Variants in EVI5 observed in about 807,000 individuals in gnomAD.
The protein encoded by EVI5 is ecotropic viral integration site 5, also known as ecotropic viral integration site 5 protein homolog.
Under a neutral mutation model 112.0 loss-of-function variants are expected in EVI5, and 73 were observed. The observed-to-expected ratio is 0.65, with a 90% confidence interval of 0.54 to 0.79. The LOEUF (loss-of-function observed/expected upper bound fraction) is 0.79, where lower values mean the gene tolerates loss of function less well. EVI5 is among the 30% of genes least tolerant of loss of function. EVI5 has a pLI of 0.00. For missense variants in EVI5, 900 were observed against 968.8 expected, an observed-to-expected ratio of 0.93 and a Z score of 0.94; for synonymous variants, 305 against 319.9, an observed-to-expected ratio of 0.95 and a Z score of 0.50.
intron 18 of EVI5, among the ~76,000 whole-genome samples, chr1:92,575,057 C>G (rs958401953): frequency 6.6e-6 from 1 of 152,122 alleles, no homozygotes; most frequent in African/African-American, 2.4e-5. Context: ...GAAAGTGCCC[C>G]AGACTAGGAG....
At chr1:92,741,576 A>G (rs1480071656) in intron 1 of EVI5, among the ~76,000 whole-genome samples, 1 of 152,148 alleles carries the variant, frequency 6.6e-6, no homozygotes, top group Non-Finnish European at 1.5e-5. Context: ...ATTTTATTTT[A>G]AAAAGAAAAA....
intron 13 of EVI5, among the ~76,000 whole-genome samples, chr1:92,661,926 T>C (rs930691004): frequency 9.8e-5 from 15 of 152,310 alleles, no homozygotes; most frequent in Admixed American, 7.2e-4. Context: ...GATGGAAAAC[T>C]GAAACAAGAA....
intron 19 of EVI5, among the ~76,000 whole-genome samples, chr1:92,551,316 C>G (rs967627588): frequency 6.6e-6 from 1 of 151,992 alleles, no homozygotes; most frequent in Non-Finnish European, 1.5e-5. Flanking sequence ...GCGTGAGCCA[C>G]TGTGCTCGGC....
intron 18 of EVI5, among the ~76,000 whole-genome samples, chr1:92,601,663 A>G (rs1649204424): frequency 6.6e-6 from 1 of 152,174 alleles, no homozygotes; most frequent in South Asian, 2.1e-4. Flanking sequence ...GTTGAACTCA[A>G]AAGTACAGAG....
chr1:92,537,635 T>C (rs1205991236), intron 19 of EVI5, among the ~76,000 whole-genome samples: 6 of 152,088 alleles, frequency 3.9e-5, no homozygotes, highest in Admixed American at 1.3e-4. Context: ...ATTGTAAACA[T>C]GACAAAGGTT....
At chr1:92,668,685 T>C (rs530433792) in intron 10 of EVI5, among the ~76,000 whole-genome samples, 1 of 152,294 alleles carries the variant, frequency 6.6e-6, no homozygotes, top group African/African-American at 2.4e-5. Flanking sequence ...ATTTAAAAAA[T>C]AAATCACCAC....
chr1:92,533,493 A>C lies in EVI5; in HGVS notation c.2167-19523T>G, dbSNP rs1663268879. Among the ~76,000 whole-genome samples the C allele has an allele frequency of 3.3e-5, 5 of 152,316 alleles. No homozygotes were observed. The South Asian group carries it at 1.0e-3, about 32-fold the overall frequency. On this transcript the variant is annotated intron_variant, in intron 19 of 19. Transcript: ENST00000684568. ...AGACACAACAAAAAAACAAAATTTC[A>C]GGCCAATATCCCTGATGAACATTGG...
intron 18 of EVI5, among the ~76,000 whole-genome samples, chr1:92,602,791 ATGGACT>A (rs770421667): frequency 1.3e-5 from 2 of 152,158 alleles, no homozygotes; most frequent in Admixed American, 6.5e-5. Context: ...TCACTAAAAA[ATGGACT>A]TGGAGCACAG....
At chr1:92,581,153 T>C (rs971095536) in intron 18 of EVI5, among the ~76,000 whole-genome samples, 7 of 152,242 alleles carry the variant, frequency 4.6e-5, no homozygotes, top group African/African-American at 1.4e-4. Flanking sequence ...TCCACCATAT[T>C]TGAGATCTAT....
chr1:92,695,543 A>G, intron 6 of EVI5, 90 bp from the exon 7 acceptor site: 1 of 760,732 alleles, frequency 1.3e-6, no homozygotes, highest in East Asian at 2.9e-5. Flanking sequence ...TATACCAAAC[A>G]CAGATTAGAT....
chr1:92,549,073 C>T (rs977050734), intron 19 of EVI5, among the ~76,000 whole-genome samples: 16 of 151,008 alleles, frequency 1.1e-4, no homozygotes, highest in South Asian at 4.2e-4. Flanking sequence ...AAGCTGGAGG[C>T]ATCACGCTAC....
intron 1 of EVI5, among the ~76,000 whole-genome samples, chr1:92,774,356 A>G (rs937295879): frequency 2.6e-5 from 4 of 152,196 alleles, no homozygotes; most frequent in African/African-American, 9.7e-5. Flanking sequence ...TTTATACAGT[A>G]TCTGCTAACG....
chr1:92,526,303 T>C (rs12070123), intron 19 of EVI5, among the ~76,000 whole-genome samples: 3,776 of 152,282 alleles, frequency 0.025, 174 homozygotes, highest in African/African-American at 0.086. Context: ...AGGTGATCCT[T>C]CCACCTCAGC....
intron 1 of EVI5, among the ~76,000 whole-genome samples, chr1:92,783,746 A>C (rs1558258430): frequency 7.0e-6 from 1 of 143,878 alleles, no homozygotes; most frequent in Admixed American, 7.2e-5. Context: ...CAGGAGGTGG[A>C]GGTTGCAGTG....
At chr1:92,588,143 C>A (rs1279118061) in intron 18 of EVI5, among the ~76,000 whole-genome samples, 1 of 152,162 alleles carries the variant, frequency 6.6e-6, no homozygotes, top group African/African-American at 2.4e-5. Context: ...AACCTCATTT[C>A]CCTCCAAACT....
At chr1:92,534,149 A>G (rs1471973775) in intron 19 of EVI5, among the ~76,000 whole-genome samples, 2 of 152,202 alleles carry the variant, frequency 1.3e-5, no homozygotes, top group Non-Finnish European at 2.9e-5. Flanking sequence ...AGACAAACAG[A>G]GAGCCAAATC....
chr1:92,588,468 G>T (rs1194922090), intron 18 of EVI5, among the ~76,000 whole-genome samples: 1 of 152,080 alleles, frequency 6.6e-6, no homozygotes, highest in African/African-American at 2.4e-5. Context: ...TCAAATGTTT[G>T]TTTAAATAAA....
rs71586755 is a variant in EVI5, at chr1:92,565,948, C to CAAAA, written c.2071-2215_2071-2212dup. ...TTGCGCCACTGCATTCCAGCCCGAG[C>CAAAA]AAAAAAAAAAAAAAAAAAAAGAAAT... is the stretch of plus-strand genomic sequence containing the variant. On this transcript the variant is annotated intron_variant, in intron 18 of 19. Coordinates refer to ENST00000684568, the MANE Select transcript of EVI5 (RefSeq NM_001350197.2). Among the ~76,000 whole-genome samples, 37 of 51,854 alleles carry CAAAA rather than the reference C, an allele frequency of 7.1e-4. 1 individual carries two copies. Among genetic ancestry groups the CAAAA allele is most frequent in the Middle Eastern group, 0.022 (1 of 46 alleles). 34.0% of individuals were successfully genotyped at this position (51,854 alleles called of 152,430 possible).
At chr1:92,745,128 AG>A (rs1226260954) in intron 1 of EVI5, among the ~76,000 whole-genome samples, 1 of 145,714 alleles carries the variant, frequency 6.9e-6, no homozygotes, top group African/African-American at 2.5e-5. Flanking sequence ...TGGTAGAGAC[AG>A]GGTTTCACCA....
Sources: gnomAD v4.1 joint callset for allele counts (sites outside exome capture counted in the v4.1 genomes callset) on GRCh38, gnomAD v4.1.1 for gene constraint, MANE v1.5 for transcripts, NCBI Gene and HGNC (gene_info 2026-07-23, HGNC 2026-07-21) for gene names.